CACNA1E: variants seen among roughly 807,000 people sequenced by gnomAD.
CACNA1E encodes the protein calcium voltage-gated channel subunit alpha1 E.
CACNA1E carries 40 observed loss-of-function variants against 259.2 expected under a neutral mutation model. The ratio of observed to expected loss-of-function variants is 0.15; its 90% CI spans 0.12 to 0.20. The LOEUF (loss-of-function observed/expected upper bound fraction) is 0.20. CACNA1E is among the 10% of genes least tolerant of loss of function. The probability of loss-of-function intolerance (pLI) is 1.00; values close to 1 mark genes in which losing one functional copy is unlikely to be tolerated. For missense variants in CACNA1E, 1,874 were observed against 3,040.1 expected, an observed-to-expected ratio of 0.62 and a Z score of 9.02; for synonymous variants, 1,104 against 1,138.5, an observed-to-expected ratio of 0.97 and a Z score of 0.61.
intron 2 of CACNA1E, among the ~76,000 whole-genome samples, chr1:181,424,835 G>C (rs528430518): frequency 4.6e-5 from 7 of 152,018 alleles, no homozygotes; most frequent in African/African-American, 1.5e-4. Flanking sequence ...CCCGTTCTGT[G>C]CTTCCTTTTG....
intron 38 of CACNA1E, among the ~76,000 whole-genome samples, chr1:181,779,832 A>T (rs1660272215): frequency 6.6e-6 from 1 of 151,842 alleles, no homozygotes; most frequent in African/African-American, 2.4e-5. Context: ...ACACACACAC[A>T]CACACACACA....
chr1:181,503,452 C>T (rs1426504221), intron 1 of CACNA1E, among the ~76,000 whole-genome samples: 3 of 152,184 alleles, frequency 2.0e-5, no homozygotes. Flanking sequence ...GATGCGCTTT[C>T]CATATTCTCA....
intron 6 of CACNA1E, among the ~76,000 whole-genome samples, chr1:181,638,272 T>G (rs1657421405): frequency 6.6e-6 from 1 of 152,180 alleles, no homozygotes; most frequent in Non-Finnish European, 1.5e-5. Context: ...AATTGCCAAG[T>G]TAGGGTATAG....
Position 181,391,979 on chromosome 1 carries a change from G to A in CACNA1E, c.-14-21154G>A, listed in dbSNP as rs568857312. 1.1e-4 allele frequency among the ~76,000 whole-genome samples: 17 copies of A among 149,740 alleles called. No homozygotes were observed. The South Asian group carries it at 3.4e-3, about 30-fold the overall frequency. On this transcript the variant is annotated intron_variant, in intron 1 of 11. Coordinates refer to the CACNA1E transcript ENST00000524607. ...TGTGTGTGTGTGTGTGTGTGTGTGT[G>A]TTTAGTGGAAGGACAGACCTCTTTT...
At chr1:181,338,108 T>C (rs1283040532) in intron 1 of CACNA1E, among the ~76,000 whole-genome samples, 4 of 152,174 alleles carry the variant, frequency 2.6e-5, no homozygotes, top group Non-Finnish European at 5.9e-5. Context: ...TTTTGTGAGA[T>C]GGAGTCTCGT....
intron 1 of CACNA1E, among the ~76,000 whole-genome samples, chr1:181,389,958 G>A (rs115335378): frequency 0.021 from 3,137 of 152,348 alleles, 124 homozygotes; most frequent in African/African-American, 0.069. Flanking sequence ...GGAGACTGAC[G>A]TGGCTGCAGC....
chr1:181,504,089 G>A (rs17494437), intron 1 of CACNA1E, among the ~76,000 whole-genome samples: 21,813 of 152,188 alleles, frequency 0.14, 1,643 homozygotes, highest in Non-Finnish European at 0.17. Flanking sequence ...TGAAGAAGAG[G>A]TGGAAAGACA....
At chr1:181,472,086 A>C (rs542897934) in intron 2 of CACNA1E, among the ~76,000 whole-genome samples, 18 of 152,236 alleles carry the variant, frequency 1.2e-4, no homozygotes, top group African/African-American at 4.3e-4. Flanking sequence ...TGCTGTAAAA[A>C]AGAAGTAGAT....
At chr1:181,596,239 T>C (rs1653144745) in intron 6 of CACNA1E, among the ~76,000 whole-genome samples, 3 of 152,198 alleles carry the variant, frequency 2.0e-5, no homozygotes, top group African/African-American at 7.2e-5. Flanking sequence ...TGAAGAGCTT[T>C]CTGTCTCAGG....
At chr1:181,637,576 ATTTG>A (rs908125194) in intron 6 of CACNA1E, among the ~76,000 whole-genome samples, 1 of 151,514 alleles carries the variant, frequency 6.6e-6, no homozygotes, top group Non-Finnish European at 1.5e-5. Context: ...TTATTCACTT[ATTTG>A]TTTGTTCATT....
intron 7 of CACNA1E, among the ~76,000 whole-genome samples, chr1:181,679,420 G>A (rs1451657254): frequency 1.3e-5 from 2 of 152,088 alleles, no homozygotes; most frequent in Non-Finnish European, 2.9e-5. Flanking sequence ...GCTGCCCCTC[G>A]GAAAATGCAC....
Position 181,800,438 on chromosome 1 carries a change from T to C in CACNA1E, c.*1604T>C, listed in dbSNP as rs574601724. ...CCTTTCTTGCCAAGCCAGTGCTCTT[T>C]TGGTATATGGCATACAGCTCCATTG... On this transcript the variant is annotated 3_prime_UTR_variant, in exon 48 of 48. Transcript: ENST00000367573. 18 of 152,770 alleles carry C rather than the reference T, an allele frequency of 1.2e-4. No individual in the cohort carries two copies. The highest frequency in any genetic ancestry group is 4.3e-4 in the African/African-American group (18 of 41,576). The allele number at this position is 152,770 out of a possible 1,614,324, so 9.5% of individuals were successfully genotyped here.
chr1:181,655,477 G>A (rs1317277968), intron 7 of CACNA1E, among the ~76,000 whole-genome samples: 2 of 152,128 alleles, frequency 1.3e-5, no homozygotes, highest in African/African-American at 4.8e-5. Context: ...ACTTTCATAA[G>A]GAAAATAATT....
intron 3 of CACNA1E, among the ~76,000 whole-genome samples, chr1:181,515,320 T>G (rs1048872284): frequency 3.3e-5 from 5 of 152,220 alleles, no homozygotes; most frequent in African/African-American, 1.2e-4. Flanking sequence ...AAAGAAGGCA[T>G]GTCACTTTAA....
chr1:181,417,028 A>G (rs1292021997), intron 2 of CACNA1E, among the ~76,000 whole-genome samples: 1 of 151,386 alleles, frequency 6.6e-6, no homozygotes, highest in African/African-American at 2.4e-5. Flanking sequence ...GCTCACCTCC[A>G]TGGTCTGCCT....
intron 2 of CACNA1E, among the ~76,000 whole-genome samples, chr1:181,460,232 A>T (rs1445788400): frequency 6.6e-6 from 1 of 152,170 alleles, no homozygotes; most frequent in African/African-American, 2.4e-5. Context: ...TTAGACTTTT[A>T]AAAAAGCTGA....
At chr1:181,610,527 TCC>T (rs1654660151) in intron 6 of CACNA1E, among the ~76,000 whole-genome samples, 1 of 152,250 alleles carries the variant, frequency 6.6e-6, no homozygotes, top group Admixed American at 6.5e-5. Flanking sequence ...TATTAATTAT[TCC>T]TTGCAATACA....
At chr1:181,536,184 A>C (rs1169786935) in intron 3 of CACNA1E, among the ~76,000 whole-genome samples, 1 of 151,732 alleles carries the variant, frequency 6.6e-6, no homozygotes, top group African/African-American at 2.4e-5. Flanking sequence ...TGATTCTTTT[A>C]CTTTCAAATT....
At chr1:181,399,205 A>C (rs1388774765) in intron 1 of CACNA1E, among the ~76,000 whole-genome samples, 1 of 150,670 alleles carries the variant, frequency 6.6e-6, no homozygotes, top group African/African-American at 2.5e-5. Flanking sequence ...ACAGGGAAGA[A>C]AGTTTAGAGA....
Sources: allele counts gnomAD v4.1 joint callset (sites outside exome capture counted in the v4.1 genomes callset), GRCh38; gene constraint gnomAD v4.1.1; transcripts MANE v1.5; gene names NCBI Gene and HGNC (gene_info 2026-07-23, HGNC 2026-07-21).